Variants in DENND1A observed in about 807,000 individuals in gnomAD.
DENND1A encodes the protein DENN domain-containing protein 1A.
DENND1A carries 51 observed loss-of-function variants against 113.7 expected under a neutral mutation model. The observed-to-expected ratio is 0.45, with a 90% CI of 0.36 to 0.57. The LOEUF (loss-of-function observed/expected upper bound fraction) is 0.57, where lower values mean the gene tolerates loss of function less well. Among genes scored for constraint, DENND1A ranks in the 20% least tolerant of loss-of-function variants. The pLI, the probability that DENND1A is intolerant of heterozygous loss-of-function variation, is 0.00. For missense variants in DENND1A, 1,258 were observed against 1,395.9 expected (o/e 0.90, Z 1.57); for synonymous variants, 565 against 570.8 (o/e 0.99, Z 0.14).
chr9:123,436,293 G>A (rs1200711355), intron 19 of DENND1A, among the ~76,000 whole-genome samples: 8 of 152,230 alleles, frequency 5.3e-5, no homozygotes, highest in African/African-American at 9.6e-5. Flanking sequence ...ACGCCCTCCC[G>A]CAGCTCCTCC....
rs554066421 is a variant in DENND1A, at chr9:123,714,708, C to T, written c.303-37919G>A. ...AACAGCACAGTTTCACATACATTCA[C>T]GTGCCTTTAAATGATCATAACTATA... On this transcript the variant is annotated intron_variant, in intron 5 of 23. Transcript: ENST00000394215. Among the ~76,000 whole-genome samples, 36 of 152,278 alleles carry T rather than the reference C, an allele frequency of 2.4e-4. No homozygotes were observed. The South Asian group carries it at 4.2e-3, about 18-fold the overall frequency.
intron 13 of DENND1A, among the ~76,000 whole-genome samples, chr9:123,543,740 G>T (rs1260483215): frequency 1.3e-5 from 2 of 152,178 alleles, no homozygotes; most frequent in Non-Finnish European, 2.9e-5. Context: ...ATCCGTCCCT[G>T]GGAAGCTTCC....
At chr9:123,451,473 G>A (rs1344835321) in intron 17 of DENND1A, among the ~76,000 whole-genome samples, 1 of 152,244 alleles carries the variant, frequency 6.6e-6, no homozygotes, top group Non-Finnish European at 1.5e-5. Flanking sequence ...TCACTCCGCT[G>A]TGGACACGAG....
intron 2 of DENND1A, among the ~76,000 whole-genome samples, chr9:123,818,515 CAT>C (rs144158330): frequency 0.69 from 76,562 of 110,902 alleles, 27,441 homozygotes; most frequent in East Asian, 0.84. Flanking sequence ...TATATACATA[CAT>C]ATACACACAC....
At chr9:123,842,110 G>A (rs1239218696) in intron 2 of DENND1A, among the ~76,000 whole-genome samples, 2 of 152,314 alleles carry the variant, frequency 1.3e-5, no homozygotes, top group African/African-American at 2.4e-5. Flanking sequence ...AAAAGAAGGT[G>A]AACAGGATGC....
At chr9:123,449,024 G>A (rs1206217551) in intron 18 of DENND1A, among the ~76,000 whole-genome samples, 1 of 152,188 alleles carries the variant, frequency 6.6e-6, no homozygotes, top group Non-Finnish European at 1.5e-5. Flanking sequence ...GGAAGGCAGT[G>A]TGCAATGCAG....
chr9:123,907,557 C>G (rs1853102196), intron 1 of DENND1A, among the ~76,000 whole-genome samples: 1 of 140,130 alleles, frequency 7.1e-6, no homozygotes, highest in South Asian at 2.4e-4. Flanking sequence ...CAATAACAGA[C>G]AAACAGAGAG....
intron 20 of DENND1A, among the ~76,000 whole-genome samples, chr9:123,404,378 G>C (rs1453636111): frequency 6.6e-6 from 1 of 152,238 alleles, no homozygotes; most frequent in African/African-American, 2.4e-5. Context: ...TACACTCCCA[G>C]TGCCCGAGAG....
chr9:123,835,709 C>T (rs1004290408), intron 2 of DENND1A, among the ~76,000 whole-genome samples: 6 of 149,110 alleles, frequency 4.0e-5, no homozygotes, highest in Non-Finnish European at 8.9e-5. Flanking sequence ...ACTGCAAAAA[C>T]TCTCAAAACA....
chr9:123,464,326 A>G (rs1406473942), intron 13 of DENND1A, among the ~76,000 whole-genome samples: 1 of 152,238 alleles, frequency 6.6e-6, no homozygotes, highest in East Asian at 1.9e-4. Context: ...CAAAAGATGG[A>G]AGCAACCCAA....
intron 1 of DENND1A, among the ~76,000 whole-genome samples, chr9:123,884,421 T>C (rs1324577407): frequency 6.6e-6 from 1 of 152,166 alleles, no homozygotes; most frequent in African/African-American, 2.4e-5. Context: ...GATATTACCA[T>C]GGAAATGTCC....
intron 1 of DENND1A, among the ~76,000 whole-genome samples, chr9:123,919,883 GAAAAAAA>G (rs56784407): frequency 1.1e-4 from 6 of 55,394 alleles, no homozygotes; most frequent in East Asian, 5.8e-4. Flanking sequence ...CTCTGTCTCA[GAAAAAAA>G]AAAAAAAAAA....
intron 9 of DENND1A, among the ~76,000 whole-genome samples, chr9:123,641,436 C>CAAA (rs34664320): frequency 2.6e-5 from 3 of 113,448 alleles, no homozygotes; most frequent in African/African-American, 3.0e-5. Flanking sequence ...AATGAAATGG[C>CAAA]AAAAAAAAAA....
intron 11 of DENND1A, among the ~76,000 whole-genome samples, chr9:123,583,634 C>CGTAT (rs1751350599): frequency 6.6e-6 from 1 of 152,168 alleles, no homozygotes; most frequent in Non-Finnish European, 1.5e-5. Flanking sequence ...TGCTGATATA[C>CGTAT]GGCTGTGTTC....
chr9:123,552,364 C>T (rs1461683437), intron 13 of DENND1A, among the ~76,000 whole-genome samples: 2 of 152,236 alleles, frequency 1.3e-5, no homozygotes, highest in African/African-American at 4.8e-5. Context: ...GAGGGGATTA[C>T]ACATCCACCT....
At chr9:123,496,668 C>T (rs1191459002) in intron 13 of DENND1A, among the ~76,000 whole-genome samples, 1 of 152,162 alleles carries the variant, frequency 6.6e-6, no homozygotes, top group Admixed American at 6.5e-5. Context: ...TGCGGAACTG[C>T]GCAAATATCC....
intron 13 of DENND1A, among the ~76,000 whole-genome samples, chr9:123,467,441 G>T (rs1263576982): frequency 6.6e-6 from 1 of 152,104 alleles, no homozygotes; most frequent in East Asian, 1.9e-4. Flanking sequence ...GGCTCACGAG[G>T]TCAAGAGATG....
intron 5 of DENND1A, among the ~76,000 whole-genome samples, chr9:123,701,101 A>T (rs2140652692): frequency 6.6e-6 from 1 of 152,358 alleles, no homozygotes; most frequent in East Asian, 1.9e-4. Flanking sequence ...TCTATAAGAC[A>T]ATATAGGGGA....
intron 3 of DENND1A, among the ~76,000 whole-genome samples, chr9:123,772,570 G>T (rs1829899493): frequency 6.6e-6 from 1 of 152,202 alleles, no homozygotes; most frequent in Non-Finnish European, 1.5e-5. Flanking sequence ...GGATCTTGGG[G>T]ATGCTGCACA....
Sources: allele counts gnomAD v4.1 joint callset (sites outside exome capture counted in the v4.1 genomes callset), GRCh38; gene constraint gnomAD v4.1.1; transcripts MANE v1.5; gene names NCBI Gene and HGNC (gene_info 2026-07-23, HGNC 2026-07-21).